The following RHOT1 variants were observed in gnomAD, a reference collection of about 807,000 sequenced individuals.
The protein encoded by RHOT1 is ras homolog family member T1.
A neutral mutation model predicts 95.3 loss-of-function variants in RHOT1; 27 were observed. That is an observed-to-expected ratio of 0.28 (90% confidence interval 0.21 to 0.39). RHOT1 has a LOEUF of 0.39. Among genes scored for constraint, RHOT1 ranks in the 10% least tolerant of loss-of-function variants. RHOT1 has a pLI of 1.00. For synonymous variants in RHOT1, 227 were observed against 263.5 expected, an observed-to-expected ratio of 0.86 and a Z score of 1.34; for missense variants, 578 against 786.7, an observed-to-expected ratio of 0.73 and a Z score of 3.17.
At chr17:32,192,758 G>A (rs1175545157) in intron 9 of RHOT1, among the ~76,000 whole-genome samples, 7 of 147,210 alleles carry the variant, frequency 4.8e-5, no homozygotes, top group Non-Finnish European at 1.0e-4. Flanking sequence ...TGCAACCTCC[G>A]CTGCCCGGGT....
chr17:32,178,693 A>G (rs1235050887), intron 6 of RHOT1, among the ~76,000 whole-genome samples: 3 of 114,450 alleles, frequency 2.6e-5, no homozygotes, highest in African/African-American at 1.0e-4. Context: ...GCTGCCCCGA[A>G]TGGGATGTGA....
Position 32,209,385 on chromosome 17 carries a change from T to C in RHOT1, c.1739+1076T>C, listed in dbSNP as rs775026465. The stretch of plus-strand genomic sequence containing the variant: ...TACAGAGACAGACTCTCCCGAGACA[T>C]GGGCCACACTGATAGAATAGAGAAT... On this transcript the variant is annotated intron_variant, in intron 18 of 19. Coordinates refer to ENST00000545287, the MANE Select transcript of RHOT1 (RefSeq NM_001033566.3). 3 of 1,611,436 alleles carry C rather than the reference T, an allele frequency of 1.9e-6. No homozygotes were observed. The highest frequency in any genetic ancestry group is 2.5e-6 in the Non-Finnish European group (3 of 1,178,076).
At chr17:32,150,582 A>G in intron 1 of RHOT1, 1 of 1,586,116 alleles carries the variant, frequency 6.3e-7, no homozygotes, top group South Asian at 1.1e-5. Context: ...TGAGAGAGGA[A>G]CCCTGTCCTC....
At chr17:32,157,190 A>G (rs1397742061) in intron 1 of RHOT1, among the ~76,000 whole-genome samples, 1 of 152,232 alleles carries the variant, frequency 6.6e-6, no homozygotes, top group Non-Finnish European at 1.5e-5. Flanking sequence ...CCTTCCCATT[A>G]CATTGTCCTC....
chr17:32,149,949 C>T (rs563190724), intron 1 of RHOT1, among the ~76,000 whole-genome samples: 1 of 152,024 alleles, frequency 6.6e-6, no homozygotes, highest in South Asian at 2.1e-4. Flanking sequence ...ATGGGTTTTG[C>T]CATGTTGGCC....
chr17:32,210,552 TC>T (rs1415101206), intron 18 of RHOT1, among the ~76,000 whole-genome samples: 2 of 152,202 alleles, frequency 1.3e-5, no homozygotes, highest in African/African-American at 4.8e-5. Flanking sequence ...TTGATTTAGT[TC>T]CTTTGAGAGC....
rs766750425 is a variant in RHOT1, at chr17:32,182,772, G to A, written c.345G>A (p.Leu115=). ...TTTATTTTAGGCTGCCTTTAATATT[G>A]GTTGGGAACAAATCTGATCTGGTGG... ...TDKDSRLPLI[L]VGNKSDLVEY... The change falls in exon 7 of 20, where the codon TTG becomes TTA. Residue 115 remains leucine, a synonymous_variant. Transcript: ENST00000545287. 6.3e-7 allele frequency: 1 copy of A among 1,594,976 alleles called. No homozygotes were observed. Among genetic ancestry groups the A allele is most frequent in the Non-Finnish European group, 8.6e-7 (1 of 1,168,232 alleles).
intron 6 of RHOT1, among the ~76,000 whole-genome samples, chr17:32,178,521 G>A (rs940639400): frequency 6.6e-6 from 1 of 152,172 alleles, no homozygotes; most frequent in African/African-American, 2.4e-5. Context: ...GAGTGCAGTG[G>A]TGGGATCTCG....
At position 32,205,438 on chromosome 17, in the gene RHOT1, G is replaced by A. The variant is rs2037644596; in HGVS notation, c.1416+1465G>A. On this transcript the variant is annotated intron_variant, in intron 16 of 19. Coordinates refer to ENST00000545287, the MANE Select transcript of RHOT1 (RefSeq NM_001033566.3). The stretch of plus-strand genomic sequence containing the variant: ...AGAAATTAATATGAAAACCCTGCTA[G>A]TGCTTGGTAGTTTATCTGTAATCTG... Among the ~76,000 whole-genome samples the A allele has an allele frequency of 2.6e-5, 4 of 152,136 alleles. No homozygotes were observed. In the South Asian group the frequency reaches 6.2e-4, roughly 24 times the overall value.
intron 1 of RHOT1, among the ~76,000 whole-genome samples, chr17:32,151,755 G>A (rs1278919738): frequency 2.6e-5 from 4 of 151,896 alleles, no homozygotes; most frequent in African/African-American, 9.7e-5. Context: ...GGTGGTGGGC[G>A]CCTGTAATCC....
intron 13 of RHOT1, among the ~76,000 whole-genome samples, chr17:32,199,850 C>T (rs1421776446): frequency 6.6e-6 from 1 of 151,856 alleles, no homozygotes; most frequent in Non-Finnish European, 1.5e-5. Flanking sequence ...ATTGCTGTTG[C>T]ACAATTCTTA....
intron 2 of RHOT1, chr17:32,173,060 A>C (rs2034705872): frequency 6.6e-6 from 1 of 152,234 alleles, no homozygotes; most frequent in Non-Finnish European, 1.5e-5. Flanking sequence ...GAATCCACTG[A>C]GTCTGTGTCA....
intron 1 of RHOT1, among the ~76,000 whole-genome samples, chr17:32,149,611 A>ATGTGTGTGTG (rs1459915998): frequency 1.2e-5 from 1 of 85,886 alleles, no homozygotes; most frequent in African/African-American, 7.6e-5. Context: ...ATATATATAT[A>ATGTGTGTGTG]TATATATATA....
intron 6 of RHOT1, among the ~76,000 whole-genome samples, chr17:32,181,301 C>CA (rs1462215663): frequency 2.0e-5 from 3 of 152,114 alleles, no homozygotes; most frequent in South Asian, 2.1e-4. Flanking sequence ...TACTCGCTGC[C>CA]AAAAACAGAA....
intron 1 of RHOT1, among the ~76,000 whole-genome samples, chr17:32,153,319 C>A (rs1352339079): frequency 6.6e-6 from 1 of 152,096 alleles, no homozygotes; most frequent in Non-Finnish European, 1.5e-5. Context: ...TTCATTTTTG[C>A]CATCCTTAGT....
At chr17:32,190,170 C>A (rs1028473968) in intron 8 of RHOT1, among the ~76,000 whole-genome samples, 3 of 151,942 alleles carry the variant, frequency 2.0e-5, no homozygotes, top group African/African-American at 7.3e-5. Context: ...AAAAGTGCAT[C>A]GTTGGCCGGG....
intron 1 of RHOT1, among the ~76,000 whole-genome samples, chr17:32,143,522 G>A (rs1021791595): frequency 2.0e-5 from 3 of 152,162 alleles, no homozygotes; most frequent in Admixed American, 2.0e-4. Context: ...TTATTCCATA[G>A]TTACTTCGTA....
Position 32,161,527 on chromosome 17 carries a change from T to C in RHOT1, c.38-9516T>C, listed in dbSNP as rs540867781. ...CAGGTCCCTCACATAATCCTAACCT[T>C]GTGGCCTTTCACTAGTTTTACAAAG... On this transcript the variant is annotated intron_variant, in intron 1 of 19. Transcript: ENST00000545287. Among the ~76,000 whole-genome samples, 6 of 152,300 alleles carry C rather than the reference T, an allele frequency of 3.9e-5. 1 individual carries two copies. Among genetic ancestry groups the C allele is most frequent in the African/African-American group, 1.4e-4 (6 of 41,570 alleles).
chr17:32,170,664 C>A (rs953704055), intron 1 of RHOT1, among the ~76,000 whole-genome samples: 2 of 152,046 alleles, frequency 1.3e-5, no homozygotes, highest in Non-Finnish European at 2.9e-5. Context: ...TTTTTATGTA[C>A]TGACATGAAA....
Sources: gnomAD v4.1 joint callset for allele counts (sites outside exome capture counted in the v4.1 genomes callset) on GRCh38, gnomAD v4.1.1 for gene constraint, MANE v1.5 for transcripts, NCBI Gene and HGNC (gene_info 2026-07-23, HGNC 2026-07-21) for gene names.